SMIM35: variants seen among roughly 807,000 people sequenced by gnomAD.
SMIM35 encodes TMPRSS4 antisense RNA 1 (non-protein coding).
chr11:118,080,178 G>A (rs1673384083), intron 1 of SMIM35, among the ~76,000 whole-genome samples: 2 of 152,172 alleles, frequency 1.3e-5, no homozygotes, highest in African/African-American at 2.4e-5. Flanking sequence ...AGGTACCCCT[G>A]GAGCTGAAAA....
intron 1 of SMIM35, among the ~76,000 whole-genome samples, chr11:118,061,589 CACCTGAGCCCTGGGAAA>C (rs1944396483): frequency 6.6e-6 from 1 of 152,120 alleles, no homozygotes; most frequent in African/African-American, 2.4e-5. Flanking sequence ...GGGGATACTT[CACCTGAGCCCTGGGAAA>C]ACCTCACAGA....
At chr11:118,012,300 T>A (rs2058154526) in intron 4 of SMIM35, among the ~76,000 whole-genome samples, 1 of 152,202 alleles carries the variant, frequency 6.6e-6, no homozygotes, top group Non-Finnish European at 1.5e-5. Context: ...TAAGCTGACG[T>A]CCTGTGCACA....
At chr11:118,009,834 A>G (rs2058141481) in intron 4 of SMIM35, among the ~76,000 whole-genome samples, 1 of 152,142 alleles carries the variant, frequency 6.6e-6, no homozygotes, top group South Asian at 2.1e-4. Flanking sequence ...GCTGAAATAG[A>G]TGTCCAAAGA....
chr11:118,009,415 A>T (rs1336797950), intron 4 of SMIM35, among the ~76,000 whole-genome samples: 1 of 152,234 alleles, frequency 6.6e-6, no homozygotes, highest in Non-Finnish European at 1.5e-5. Context: ...GGCTGTGAGG[A>T]TGAAGACGCG....
intron 1 of SMIM35, among the ~76,000 whole-genome samples, chr11:118,070,823 C>T (rs1407061326): frequency 6.6e-6 from 1 of 152,180 alleles, no homozygotes; most frequent in Non-Finnish European, 1.5e-5. Flanking sequence ...AACCTGAGTC[C>T]TTCCCAGAGG....
At chr11:118,016,017 G>A (rs57957069) in intron 1 of SMIM35, among the ~76,000 whole-genome samples, 5,646 of 152,288 alleles carry the variant, frequency 0.037, 255 homozygotes, top group African/African-American at 0.11. Context: ...GGTATTTGGA[G>A]CTTGTTAATC....
At chr11:118,055,968 A>G (rs1335722384) in intron 1 of SMIM35, among the ~76,000 whole-genome samples, 1 of 151,896 alleles carries the variant, frequency 6.6e-6, no homozygotes, top group Non-Finnish European at 1.5e-5. Flanking sequence ...GAGGTCTGTG[A>G]TGAATTGTGA....
intron 1 of SMIM35, among the ~76,000 whole-genome samples, chr11:118,043,582 G>C (rs1786180): frequency 0.71 from 107,826 of 151,406 alleles, 38,762 homozygotes; most frequent in Non-Finnish European, 0.76. Context: ...AGGCTGAGGC[G>C]GGCCGAACAC....
chr11:118,045,976 A>T (rs1389306084), intron 1 of SMIM35, among the ~76,000 whole-genome samples: 1 of 152,236 alleles, frequency 6.6e-6, no homozygotes, highest in Admixed American at 6.5e-5. Context: ...CACAAGGTTA[A>T]CGTGAAGATT....
At chr11:118,052,721 G>A (rs1181632341) in intron 1 of SMIM35, among the ~76,000 whole-genome samples, 1 of 151,676 alleles carries the variant, frequency 6.6e-6, no homozygotes, top group African/African-American at 2.4e-5. Context: ...CCAAACATAG[G>A]CATTGGCTTA....
intron 1 of SMIM35, among the ~76,000 whole-genome samples, chr11:118,022,115 C>A (rs952195812): frequency 6.8e-6 from 1 of 147,406 alleles, no homozygotes; most frequent in Non-Finnish European, 1.5e-5. Flanking sequence ...TCTCAGCTCA[C>A]AACAACCTCC....
chr11:118,068,182 A>G (rs1045876155), intron 1 of SMIM35, among the ~76,000 whole-genome samples: 5 of 152,004 alleles, frequency 3.3e-5, no homozygotes, highest in African/African-American at 4.8e-5. Context: ...AAGGATGCTC[A>G]GTATCTGTGG....
At chr11:118,047,658 G>A (rs988589847) in intron 1 of SMIM35, among the ~76,000 whole-genome samples, 1 of 152,222 alleles carries the variant, frequency 6.6e-6, no homozygotes, top group Non-Finnish European at 1.5e-5. Context: ...TCTGTTTGAA[G>A]GATTTAGTGG....
chr11:118,056,684 G>A (rs1944314859), intron 1 of SMIM35, among the ~76,000 whole-genome samples: 1 of 152,146 alleles, frequency 6.6e-6, no homozygotes, highest in African/African-American at 2.4e-5. Context: ...GGGCCACAGA[G>A]GAACCCCTCG....
intron 1 of SMIM35, among the ~76,000 whole-genome samples, chr11:118,019,950 A>G (rs775227091): frequency 2.0e-5 from 3 of 152,140 alleles, no homozygotes; most frequent in Admixed American, 6.6e-5. Context: ...CTGCTACATT[A>G]TCTTAATTAC....
chr11:118,014,901 C>T (rs1421261356), intron 2 of SMIM35, among the ~76,000 whole-genome samples, 160 bp from the exon 3 acceptor site: 1 of 152,060 alleles, frequency 6.6e-6, no homozygotes, highest in African/African-American at 2.4e-5. Flanking sequence ...CCTTCAGGGC[C>T]CCCCATTAAC....
intron 1 of SMIM35, among the ~76,000 whole-genome samples, chr11:118,078,938 C>T (rs994383008): frequency 1.3e-5 from 2 of 152,128 alleles, no homozygotes; most frequent in African/African-American, 4.8e-5. Context: ...CATGAAGCCC[C>T]GCACAGATGT....
intron 1 of SMIM35, among the ~76,000 whole-genome samples, chr11:118,062,934 C>T (rs564595637): frequency 6.6e-6 from 1 of 152,180 alleles, no homozygotes; most frequent in African/African-American, 2.4e-5. Context: ...AAACAGGTTG[C>T]AGTAAAGGAG....
At chr11:118,063,458 T>C (rs1944423256) in intron 1 of SMIM35, among the ~76,000 whole-genome samples, 1 of 152,244 alleles carries the variant, frequency 6.6e-6, no homozygotes, top group Non-Finnish European at 1.5e-5. Flanking sequence ...TCTTTTTGCC[T>C]ATTGTGGTAA....
Sources: gnomAD v4.1 joint callset for allele counts (sites outside exome capture counted in the v4.1 genomes callset) on GRCh38, gnomAD v4.1.1 for gene constraint, MANE v1.5 for transcripts, NCBI Gene and HGNC (gene_info 2026-07-23, HGNC 2026-07-21) for gene names.